The following MAD1L1 variants were observed in gnomAD, a reference collection of about 807,000 sequenced individuals.
MAD1L1 encodes mitotic arrest deficient 1 like 1.
A neutral mutation model predicts 96.9 loss-of-function variants in MAD1L1; 95 were observed. That is an observed-to-expected ratio of 0.98 (90% CI 0.83 to 1.16). MAD1L1 has a LOEUF of 1.16. MAD1L1 is among the 50% of genes most tolerant of loss of function. MAD1L1 has a pLI of 0.00. For missense variants in MAD1L1, 1,007 were observed against 954.4 expected, an observed-to-expected ratio of 1.06 and a Z score of -0.73; for synonymous variants, 473 against 396.6, an observed-to-expected ratio of 1.19 and a Z score of -2.29.
chr7:2,032,220 G>A (rs894356990), intron 12 of MAD1L1, among the ~76,000 whole-genome samples: 1 of 152,222 alleles, frequency 6.6e-6, no homozygotes, highest in Non-Finnish European at 1.5e-5. Flanking sequence ...ATTAAAAAAT[G>A]AACGAGTGAA....
intron 18 of MAD1L1, among the ~76,000 whole-genome samples, chr7:1,839,062 G>A (rs1783091144): frequency 6.6e-6 from 1 of 152,180 alleles, no homozygotes; most frequent in Non-Finnish European, 1.5e-5. Context: ...GGTCCCACTC[G>A]CAGATGGCCA....
intron 11 of MAD1L1, among the ~76,000 whole-genome samples, chr7:2,121,378 G>A (rs570104071): frequency 2.1e-4 from 32 of 152,340 alleles, no homozygotes; most frequent in African/African-American, 5.3e-4. Flanking sequence ...GGGAGGCTGC[G>A]GATACGCCAC....
intron 18 of MAD1L1, among the ~76,000 whole-genome samples, chr7:1,869,307 T>A (rs566961855): frequency 1.3e-5 from 2 of 152,056 alleles, no homozygotes; most frequent in African/African-American, 2.4e-5. Flanking sequence ...CCCAGAGGCC[T>A]CTCTGAGTTC....
intron 17 of MAD1L1, among the ~76,000 whole-genome samples, chr7:1,912,551 T>C (rs1005606381): frequency 1.3e-5 from 2 of 152,160 alleles, no homozygotes; most frequent in African/African-American, 4.8e-5. Context: ...CTGCGGTCCC[T>C]GCCGCCGATG....
intron 11 of MAD1L1, among the ~76,000 whole-genome samples, chr7:2,075,115 G>C (rs943775331): frequency 1.3e-5 from 2 of 152,212 alleles, no homozygotes; most frequent in Non-Finnish European, 2.9e-5. Context: ...GTCTCGAGAG[G>C]AGGGGAAGGT....
chr7:1,944,721 C>T (rs181128071), intron 16 of MAD1L1, among the ~76,000 whole-genome samples: 4 of 152,210 alleles, frequency 2.6e-5, no homozygotes, highest in South Asian at 2.1e-4. Context: ...CATCACCCCC[C>T]ACCCCGTCGG....
chr7:2,160,056 C>T (rs1469076061), intron 10 of MAD1L1, among the ~76,000 whole-genome samples: 4 of 140,756 alleles, frequency 2.8e-5, no homozygotes, highest in Non-Finnish European at 4.8e-5. Context: ...GGTAAAACCC[C>T]GTCTCTGCAA....
chr7:2,203,790 G>A (rs1403628097), intron 10 of MAD1L1, among the ~76,000 whole-genome samples: 3 of 152,170 alleles, frequency 2.0e-5, no homozygotes, highest in Non-Finnish European at 4.4e-5. Flanking sequence ...TTTCCAGAAC[G>A]ACACACAGGA....
chr7:2,216,215 GT>G lies in MAD1L1; in HGVS notation c.750del (p.Arg251GlyfsTer9), dbSNP rs764627255. The G allele has an allele frequency of 6.2e-7, 1 of 1,614,054 alleles. No homozygotes were observed. The highest frequency in any genetic ancestry group is 2.2e-5 in the East Asian group (1 of 44,884). ...AIVKNMKSEL[V>X]RLPRLERELK... is the part of the protein sequence containing the mutation. ...AGCTCCCGTTCCAGCCTAGGGAGCC[GT>G]ACCAGCTCAGACTTCATGTTCTTCA... On this transcript the variant is annotated frameshift_variant, in exon 8 of 19. Coordinates refer to ENST00000265854, the MANE Select transcript of MAD1L1 (RefSeq NM_001013836.2). LOFTEE classifies it high-confidence loss of function.
At chr7:2,004,504 G>T (rs867344925) in intron 13 of MAD1L1, among the ~76,000 whole-genome samples, 1 of 152,210 alleles carries the variant, frequency 6.6e-6, no homozygotes, top group African/African-American at 2.4e-5. Flanking sequence ...GAAGAGGCAG[G>T]GTCGTCCGGA....
At chr7:2,065,838 G>A (rs768852763) in intron 12 of MAD1L1, among the ~76,000 whole-genome samples, 1 of 152,218 alleles carries the variant, frequency 6.6e-6, no homozygotes, top group Non-Finnish European at 1.5e-5. Flanking sequence ...AACAAGGGGT[G>A]GGAAGCGGAG....
intron 11 of MAD1L1, among the ~76,000 whole-genome samples, chr7:2,073,965 G>C (rs17132138): frequency 0.082 from 12,412 of 152,224 alleles, 1,628 homozygotes; most frequent in African/African-American, 0.28. Flanking sequence ...GGCTGACACT[G>C]AAATCTTCTG....
At chr7:2,205,707 T>C (rs1054669831) in intron 10 of MAD1L1, among the ~76,000 whole-genome samples, 2 of 152,220 alleles carry the variant, frequency 1.3e-5, no homozygotes, top group South Asian at 2.1e-4. Flanking sequence ...TCTCAGTGCA[T>C]TGGCTTTCTG....
chr7:2,145,812 G>A (rs1324309156), intron 11 of MAD1L1, among the ~76,000 whole-genome samples: 1 of 152,212 alleles, frequency 6.6e-6, no homozygotes. Flanking sequence ...ACTATGGAGA[G>A]AAACTGAGGC....
intron 18 of MAD1L1, among the ~76,000 whole-genome samples, chr7:1,873,008 C>T (rs902841287): frequency 1.3e-5 from 2 of 152,224 alleles, no homozygotes; most frequent in African/African-American, 4.8e-5. Flanking sequence ...GACTTTATCC[C>T]CAGGTGAGAA....
intron 18 of MAD1L1, among the ~76,000 whole-genome samples, chr7:1,824,365 G>C (rs1031715422): frequency 1.3e-5 from 2 of 152,092 alleles, no homozygotes; most frequent in Non-Finnish European, 2.9e-5. Context: ...CTTGAGCCTG[G>C]TCTGCACGCT....
At chr7:2,218,573 C>T (rs1793419355) in intron 6 of MAD1L1, among the ~76,000 whole-genome samples, 2 of 152,140 alleles carry the variant, frequency 1.3e-5, no homozygotes, top group South Asian at 4.1e-4. Flanking sequence ...CCTTCCCAGC[C>T]ACGCCCCCTC....
At chr7:1,828,961 T>C (rs769190142) in intron 18 of MAD1L1, among the ~76,000 whole-genome samples, 1 of 152,028 alleles carries the variant, frequency 6.6e-6, no homozygotes, top group Non-Finnish European at 1.5e-5. Context: ...AGATCAGACA[T>C]GGCGAAAACA....
At chr7:2,151,361 C>T (rs1256346779) in intron 10 of MAD1L1, among the ~76,000 whole-genome samples, 1 of 152,248 alleles carries the variant, frequency 6.6e-6, no homozygotes, top group Non-Finnish European at 1.5e-5. Context: ...CAGGCTCCAC[C>T]TACACAGCCA....
Sources: gnomAD v4.1 joint callset for allele counts (sites outside exome capture counted in the v4.1 genomes callset) on GRCh38, gnomAD v4.1.1 for gene constraint, MANE v1.5 for transcripts, NCBI Gene and HGNC (gene_info 2026-07-23, HGNC 2026-07-21) for gene names.